LTBP4: variants seen among roughly 807,000 people sequenced by gnomAD.
LTBP4 encodes the protein latent-transforming growth factor beta-binding protein 4.
Under a neutral mutation model 180.2 loss-of-function variants are expected in LTBP4, and 93 were observed. The ratio of observed to expected loss-of-function variants is 0.52; its 90% CI spans 0.44 to 0.61. LTBP4 has a LOEUF of 0.61. Ranked by LOEUF, LTBP4 falls within the 20% of genes least tolerant of loss-of-function variation. LTBP4 has a pLI of 0.00. For missense variants in LTBP4, 2,116 were observed against 2,256.5 expected (o/e 0.94, Z 1.26); for synonymous variants, 947 against 934.5 (o/e 1.01, Z -0.24).
chr19:40,605,272 T>G lies in LTBP4; in HGVS notation c.442+46T>G, dbSNP rs753610061. On this transcript the variant is annotated intron_variant, in intron 2 of 29. Transcript: ENST00000396819. This position sits in a 1 kb window ranked among gnomAD's most constrained non-coding sequence, Gnocchi z 5.5. Reference sequence around the variant, plus strand: ...GTCCCCTCCGACCCCTGTCAAGCATTTCACTTTGCCCCTGACCCTCATATT... The same window carrying G: ...GTCCCCTCCGACCCCTGTCAAGCATGTCACTTTGCCCCTGACCCTCATATT... 20 of 1,558,916 alleles carry G rather than the reference T, an allele frequency of 1.3e-5. No homozygotes were observed. The East Asian group carries it at 4.5e-4, about 35-fold the overall frequency.
At position 40,629,230 on chromosome 19, in the gene LTBP4, G is replaced by A. The variant is rs1192700192; in HGVS notation, c.4520-166G>A. 1.3e-5 allele frequency: 10 copies of A among 769,928 alleles called. No homozygotes were observed. The Admixed American group carries it at 2.0e-4, about 16-fold the overall frequency. The allele number at this position is 769,928 out of a possible 1,614,324, so 47.7% of individuals were successfully genotyped here. A position where few individuals can be genotyped will look rare whatever the true frequency, so the allele number is the denominator to read the frequency against. On this transcript the variant is annotated intron_variant, in intron 29 of 29. Coordinates refer to ENST00000396819, the MANE Select transcript of LTBP4 (RefSeq NM_001042545.2). This position sits in a 1 kb window ranked among gnomAD's most constrained non-coding sequence, Gnocchi z 4.5. ...AGAACACGAAACTGAAGCACAGTGA[G>A]GTTAAGCCACCTGGCCGGGCTCACA...
In LTBP4 at chr19:40,611,395, G is replaced by A; in HGVS notation, c.2053+1G>A. 6.2e-7 allele frequency: 1 copy of A among 1,603,494 alleles called. No homozygotes were observed. The stretch of plus-strand genomic sequence containing the variant: ...CGAGGGCCCGGGGCCCCCTGCCAAG[G>A]TGAGGGTGCTGAGCCCAGCCCTACT... On this transcript the variant is annotated splice_donor_variant, in intron 13 of 29. Coordinates refer to ENST00000396819, the MANE Select transcript of LTBP4 (RefSeq NM_001042545.2). LOFTEE classifies it high-confidence loss of function. The surrounding 1 kb of genome is among the most constrained non-coding windows in gnomAD (Gnocchi z 4.4).
Position 40,625,287 on chromosome 19 carries a change from TATATATATATATATATATATATATA to T in LTBP4, c.3833-569_3833-545del, listed in dbSNP as rs1568414452. ...ATATATATATATATATATATATATA[TATATATATATATATATATATATATA>T]TATATTTTTTTTTTTAAAGATGGGT... On this transcript the variant is annotated intron_variant, in intron 26 of 29. Coordinates refer to ENST00000396819, the MANE Select transcript of LTBP4 (RefSeq NM_001042545.2). Among the ~76,000 whole-genome samples, 38 of 9,688 alleles carry T rather than the reference TATATATATATATATATATATATATA, an allele frequency of 3.9e-3. 3 individuals carry two copies. Among genetic ancestry groups the T allele is most frequent in the South Asian group, 9.2e-3 (3 of 326 alleles). 6.4% of individuals were successfully genotyped at this position (9,688 alleles called of 152,430 possible).
At chr19:40,603,519 C>G (rs1422500089) in intron 1 of LTBP4, among the ~76,000 whole-genome samples, 1 of 152,210 alleles carries the variant, frequency 6.6e-6, no homozygotes, top group East Asian at 1.9e-4. Context: ...CAAAAGGACT[C>G]CTGCTGAAAG....
At chr19:40,624,703 AATTTTATTTT>A (rs554386301) in intron 26 of LTBP4, among the ~76,000 whole-genome samples, 242 of 152,152 alleles carry the variant, frequency 1.6e-3, no homozygotes, top group African/African-American at 3.7e-3. Context: ...CTGGCTGATG[AATTTTATTTT>A]ATTTTATTTT....
chr19:40,613,983 C>G lies in LTBP4; in HGVS notation c.2625C>G (p.Phe875Leu), dbSNP rs1396975297. The stretch of plus-strand genomic sequence containing the variant: ...TCTGTACCAACACCGACGGCTCCTT[C>G]GAGTGCATCTGTCCTCCGGGACACC... Reference protein sequence around the residue: ...SGICTNTDGSFECICPPGHRA... With the variant: ...SGICTNTDGSLECICPPGHRA... The change falls in exon 18 of 30, where the codon TTC becomes TTG. Residue 875 changes from phenylalanine (F) to leucine (L), a missense_variant. Phe to Leu is a conservative substitution (Grantham distance 22, BLOSUM62 0). Around this residue, in one of 5 missense-constraint regions of LTBP4, gnomAD observed 877 missense variants for 873.6 expected, o/e 1.00. Transcript: ENST00000396819. The surrounding 1 kb of genome is among the most constrained non-coding windows in gnomAD (Gnocchi z 5.0). 2 of 1,613,678 alleles carry G rather than the reference C, an allele frequency of 1.2e-6. No individual in the cohort carries two copies. The highest frequency in any genetic ancestry group is 1.6e-4 in the Middle Eastern group (1 of 6,062).
In LTBP4 at chr19:40,629,524, T is replaced by C. The variant is rs1447849700; in HGVS notation, c.4648T>C (p.Cys1550Arg). Residue 1550 changes from cysteine (C) to arginine (R), a missense_variant, in exon 30 of 30, where the codon TGT becomes CGT. Cys to Arg is a radical substitution (Grantham distance 180). Around this residue, in one of 5 missense-constraint regions of LTBP4, gnomAD observed 488 missense variants for 458.8 expected, o/e 1.06. Coordinates refer to ENST00000396819, the MANE Select transcript of LTBP4 (RefSeq NM_001042545.2). This position sits in a 1 kb window ranked among gnomAD's most constrained non-coding sequence, Gnocchi z 4.5. ...CGCACCCACGCACCAGCCGCACCAC[T>C]GTGCGCCCGCACGGCCCCGGGCCTG... The part of the protein sequence containing the change: ...GFAPTHQPHH[C>R]APARPRA The C allele has an allele frequency of 6.7e-5, 105 of 1,578,048 alleles. No homozygotes were observed. Among genetic ancestry groups the C allele is most frequent in the Non-Finnish European group, 8.6e-5 (100 of 1,159,640 alleles).
chr19:40,625,316 A>ATTTTTTT (rs1162232222), intron 26 of LTBP4, among the ~76,000 whole-genome samples: 1 of 21,932 alleles, frequency 4.6e-5, no homozygotes. Flanking sequence ...ATATATATAT[A>ATTTTTTT]TTTTTTTTTT....
chr19:40,609,443 G>C lies in LTBP4; in HGVS notation c.1427-87G>C. On this transcript the variant is annotated intron_variant, in intron 9 of 29. Transcript: ENST00000396819. The surrounding 1 kb of genome is among the most constrained non-coding windows in gnomAD (Gnocchi z 4.9). Reference sequence around the variant, plus strand: ...GGAGACATCCATGAAGGTGTTTTATGGATGTCTCCGGGGGTGGGGGTTTTA... The same window carrying C: ...GGAGACATCCATGAAGGTGTTTTATCGATGTCTCCGGGGGTGGGGGTTTTA... The C allele has an allele frequency of 6.5e-7, 1 of 1,536,958 alleles. No individual in the cohort carries two copies. The highest frequency in any genetic ancestry group is 1.2e-5 in the South Asian group (1 of 85,900).
Position 40,622,972 on chromosome 19 carries a change from T to C in LTBP4, c.3507T>C (p.Pro1169=), listed in dbSNP as rs745505984. The C allele has an allele frequency of 2.5e-6, 4 of 1,613,094 alleles. No homozygotes were observed. Among genetic ancestry groups the C allele is most frequent in the Non-Finnish European group, 3.4e-6 (4 of 1,179,668 alleles). ...TETAEYQSLC[P]HGRGYLAPSG... ...TAGCTGAGTACCAGTCATTGTGCCC[T>C]CACGGCCGGGGCTACCTGGCGCCCA... The change falls in exon 24 of 30, where the codon CCT becomes CCC. Residue 1169 remains proline (P), a synonymous_variant. Transcript: ENST00000396819. This position sits in a 1 kb window ranked among gnomAD's most constrained non-coding sequence, Gnocchi z 5.1.
intron 18 of LTBP4, 58 bp downstream of exon 18, chr19:40,614,096 T>C: frequency 6.3e-7 from 1 of 1,599,226 alleles, no homozygotes; most frequent in Admixed American, 1.7e-5. Flanking sequence ...ACTCGCCGAT[T>C]GGCCTCCCAC....
chr19:40,611,289 G>A lies in LTBP4; in HGVS notation c.1948G>A (p.Glu650Lys). Residue 650 changes from glutamate (E) to lysine (K), a missense_variant, in exon 13 of 30, where the codon GAG becomes AAG. By Grantham distance (56) the Glu-to-Lys change is moderately conservative. Transcript: ENST00000396819. This position sits in a 1 kb window ranked among gnomAD's most constrained non-coding sequence, Gnocchi z 4.4. ...AGAGGATGTGGATGAGTGTGCCCAGGAGCCGCCGCCCTGTGGGCCCGGCCG... is the reference window on the plus strand; with the variant it reads ...AGAGGATGTGGATGAGTGTGCCCAGAAGCCGCCGCCCTGTGGGCCCGGCCG... ...CEEDVDECAQ[E>K]PPPCGPGRCD... The A allele has an allele frequency of 1.2e-6, 2 of 1,611,796 alleles. No homozygotes were observed. Among genetic ancestry groups the A allele is most frequent in the Non-Finnish European group, 1.7e-6 (2 of 1,179,298 alleles).
chr19:40,625,857 A>T lies in LTBP4; in HGVS notation c.3833A>T (p.Asp1278Val), dbSNP rs1451298795. 1 of 1,579,464 alleles carries T rather than the reference A, an allele frequency of 6.3e-7. No homozygotes were observed. Among genetic ancestry groups the T allele is most frequent in the Admixed American group, 1.8e-5 (1 of 55,012 alleles). The change falls in exon 27 of 30, where the codon GAT becomes GTT. Residue 1278 changes from aspartate (D) to valine (V), a missense_variant and splice_region_variant. Asp to Val is a radical substitution (Grantham distance 152). Transcript: ENST00000396819. ...TGACACATGCTGTCTCCACCTACAGATGACAATCTGGGAGTGTGCTGGCAG... is the reference window on the plus strand; with the variant it reads ...TGACACATGCTGTCTCCACCTACAGTTGACAATCTGGGAGTGTGCTGGCAG... ...RCVSNESQSLDDNLGVCWQEV... is the reference protein window; with the variant it reads ...RCVSNESQSLVDNLGVCWQEV...
In LTBP4 at chr19:40,622,754, G is replaced by A; in HGVS notation, c.3484+87G>A. The A allele has an allele frequency of 6.7e-7, 1 of 1,488,726 alleles. No individual in the cohort carries two copies. The highest frequency in any genetic ancestry group is 9.0e-7 in the Non-Finnish European group (1 of 1,114,920). 92.2% of individuals were successfully genotyped at this position (1,488,726 alleles called of 1,614,324 possible). A position where few individuals can be genotyped will look rare whatever the true frequency, so the allele number is the denominator to read the frequency against. Reference sequence around the variant, plus strand: ...TGGGCCTGGGACAGGGGACACTTTTGGACAGGGCCTTGAGGTACTAGTACT... The same window carrying A: ...TGGGCCTGGGACAGGGGACACTTTTAGACAGGGCCTTGAGGTACTAGTACT... On this transcript the variant is annotated intron_variant, in intron 23 of 29. Transcript: ENST00000396819. The surrounding 1 kb of genome is among the most constrained non-coding windows in gnomAD (Gnocchi z 5.1).
At position 40,625,281 on chromosome 19, in the gene LTBP4, TATATA is replaced by T. The variant is rs2081619848; in HGVS notation, c.3833-575_3833-571del. 2.0e-4 allele frequency among the ~76,000 whole-genome samples: 2 copies of T among 9,806 alleles called. 1 individual carries two copies. The highest frequency in any genetic ancestry group is 3.1e-4 in the Non-Finnish European group (2 of 6,370). 6.4% of individuals were successfully genotyped at this position (9,806 alleles called of 152,430 possible). A position where few individuals can be genotyped will look rare whatever the true frequency, so the allele number is the denominator to read the frequency against. On this transcript the variant is annotated intron_variant, in intron 26 of 29. Transcript: ENST00000396819. The stretch of plus-strand genomic sequence containing the variant: ...ATATATATATATATATATATATATA[TATATA>T]TATATATATATATATATATATATAT...
chr19:40,616,075 G>A, intron 19 of LTBP4, among the ~76,000 whole-genome samples: 1 of 152,102 alleles, frequency 6.6e-6, no homozygotes, highest in East Asian at 1.9e-4. Flanking sequence ...AGAGGGAAGA[G>A]CCAGTGCAAA....
chr19:40,623,008 G>A lies in LTBP4; in HGVS notation c.3543G>A (p.Leu1181=), dbSNP rs1054967286. ...GCTACCTGGCGCCCAGTGGAGACCT[G>A]AGCCTCCGGAGAGGTGAGGCCAGCC... ...GRGYLAPSGD[L]SLRRDVDECQ... is the part of the protein sequence containing the mutation. Residue 1181 remains leucine (L), a synonymous_variant, in exon 24 of 30, where the codon CTG becomes CTA. Coordinates refer to ENST00000396819, the MANE Select transcript of LTBP4 (RefSeq NM_001042545.2). 1 of 1,611,368 alleles carries A rather than the reference G, an allele frequency of 6.2e-7. No homozygotes were observed. The highest frequency in any genetic ancestry group is 2.2e-5 in the East Asian group (1 of 44,844).
At position 40,616,771 on chromosome 19, in the gene LTBP4, C is replaced by G. The variant is rs546282697; in HGVS notation, c.2813-118C>G. ...TTTCAACATTGTTGATCTTCAGAAG[C>G]TCAGGCTCCTAGAATACCAGATTGC... On this transcript the variant is annotated intron_variant, in intron 19 of 29. Coordinates refer to ENST00000396819, the MANE Select transcript of LTBP4 (RefSeq NM_001042545.2). The G allele has an allele frequency of 9.9e-6, 12 of 1,214,918 alleles. No individual in the cohort carries two copies. In the East Asian group the frequency reaches 1.2e-4, roughly 12 times the overall value. 75.3% of individuals were successfully genotyped at this position (1,214,918 alleles called of 1,614,324 possible).
chr19:40,610,562 C>T lies in LTBP4; in HGVS notation c.1715C>T (p.Pro572Leu), dbSNP rs377340700. The T allele has an allele frequency of 1.6e-5, 26 of 1,593,726 alleles. 1 individual carries two copies. Among genetic ancestry groups the T allele is most frequent in the Non-Finnish European group, 2.2e-5 (26 of 1,175,962 alleles). ...GACGAGTGCCACCGCGTGCCGCCGC[C>T]GTGTGACCTCGGGCGCTGCGAGAAC... ...DVDECHRVPP[P>L]CDLGRCENTP... Residue 572 changes from proline to leucine, a missense_variant, in exon 12 of 30, where the codon CCG (proline) becomes CTG (leucine). Pro to Leu is a moderately conservative substitution (Grantham distance 98). Transcript: ENST00000396819.
Sources: gnomAD v4.1 joint callset for allele counts (sites outside exome capture counted in the v4.1 genomes callset) on GRCh38, gnomAD v4.1.1 for gene constraint, gnomAD v4.1.1 regional missense constraint, Gnocchi (gnomAD v3.1) non-coding constraint, MANE v1.5 for transcripts, NCBI Gene and HGNC (gene_info 2026-07-23, HGNC 2026-07-21) for gene names.